The following PRUNE2 variants were observed in gnomAD, a reference collection of about 807,000 sequenced individuals.
The protein encoded by PRUNE2 is protein prune homolog 2.
PRUNE2 carries 164 observed loss-of-function variants against 252.0 expected under a neutral mutation model. The ratio of observed to expected loss-of-function variants is 0.65; its 90% CI spans 0.57 to 0.74. The LOEUF (loss-of-function observed/expected upper bound fraction) is 0.74, where lower values mean the gene tolerates loss of function less well. Among genes scored for constraint, PRUNE2 ranks in the 30% least tolerant of loss-of-function variants. PRUNE2 has a pLI of 0.00. For synonymous variants in PRUNE2, 1,292 were observed against 1,350.2 expected (o/e 0.96, Z 0.94); for missense variants, 3,495 against 3,711.0 (o/e 0.94, Z 1.51).
At chr9:76,867,689 C>T (rs1489940310) in intron 1 of PRUNE2, among the ~76,000 whole-genome samples, 1 of 152,154 alleles carries the variant, frequency 6.6e-6, no homozygotes, top group East Asian at 1.9e-4. Flanking sequence ...CTGCCTCAGC[C>T]TTCTGAGTAG....
In PRUNE2 at chr9:76,769,644, C is replaced by T. The variant is rs145955562; in HGVS notation, c.756+53988G>A. 2.9e-3 allele frequency among the ~76,000 whole-genome samples: 445 copies of T among 152,260 alleles called. 3 individuals are homozygous for T. Among genetic ancestry groups the T allele is most frequent in the African/African-American group, 0.01 (433 of 41,558 alleles). On this transcript the variant is annotated intron_variant, in intron 6 of 18. Transcript: ENST00000376718. ...TTCTCCATGTTGGTCAGGCTGGACT[C>T]GAACTCCCGACATCAGGTGATCCGC...
chr9:76,788,644 T>C, intron 6 of PRUNE2: 1 of 611,692 alleles, frequency 1.6e-6, no homozygotes, highest in South Asian at 2.0e-5. Flanking sequence ...TGAAATTTGT[T>C]CATTATCATC....
chr9:76,694,209 G>C (rs2045143571), intron 9 of PRUNE2, among the ~76,000 whole-genome samples: 2 of 151,826 alleles, frequency 1.3e-5, no homozygotes, highest in African/African-American at 4.8e-5. Flanking sequence ...GCCTAGCTCT[G>C]TTGCCCAGGT....
At chr9:76,715,701 A>C (rs1272128858) in intron 6 of PRUNE2, among the ~76,000 whole-genome samples, 3 of 152,232 alleles carry the variant, frequency 2.0e-5, no homozygotes, top group African/African-American at 7.2e-5. Context: ...TAGATGTTTA[A>C]AAAATTAATT....
intron 6 of PRUNE2, among the ~76,000 whole-genome samples, chr9:76,746,838 C>T (rs544867583): frequency 6.6e-6 from 1 of 152,260 alleles, no homozygotes; most frequent in East Asian, 1.9e-4. Context: ...GCTCACACCC[C>T]TTCTCACATG....
chr9:76,731,306 C>CTA (rs1346297088), intron 6 of PRUNE2, among the ~76,000 whole-genome samples: 70 of 37,022 alleles, frequency 1.9e-3, no homozygotes, highest in African/African-American at 6.3e-3. Context: ...ATCTATCTAT[C>CTA]TATCTATATA....
chr9:76,641,975 A>G, intron 12 of PRUNE2: 2 of 1,496,084 alleles, frequency 1.3e-6, no homozygotes, highest in Non-Finnish European at 1.8e-6. Flanking sequence ...AGGTTACCTG[A>G]ATCTCCTATA....
intron 4 of PRUNE2, among the ~76,000 whole-genome samples, chr9:76,835,110 A>G (rs1010964749): frequency 2.0e-5 from 3 of 152,364 alleles, no homozygotes; most frequent in South Asian, 4.1e-4. Flanking sequence ...CCATTAGAAA[A>G]GAAAGCAAAC....
intron 2 of PRUNE2, among the ~76,000 whole-genome samples, chr9:76,851,179 T>A (rs2059934224): frequency 1.3e-5 from 2 of 151,970 alleles, no homozygotes; most frequent in Admixed American, 6.6e-5. Context: ...ATACATTGCA[T>A]CTAAATGAGA....
intron 16 of PRUNE2, 133 bp downstream of exon 16, chr9:76,629,059 A>AGGAG (rs1227967354): frequency 1.8e-6 from 1 of 565,746 alleles, no homozygotes; most frequent in Non-Finnish European, 3.1e-6. Context: ...GTCCAGGCTG[A>AGGAG]TTGCAAACTC....
At chr9:76,850,370 G>A in intron 3 of PRUNE2, 93 bp downstream of exon 3, 1 of 999,216 alleles carries the variant, frequency 1.0e-6, no homozygotes, top group Non-Finnish European at 1.5e-6. Context: ...TAATACATCT[G>A]CCTAAACCAC....
At chr9:76,794,957 T>C (rs1236017721) in intron 6 of PRUNE2, among the ~76,000 whole-genome samples, 1 of 152,218 alleles carries the variant, frequency 6.6e-6, no homozygotes, top group East Asian at 1.9e-4. Flanking sequence ...GTAGACCTAC[T>C]AGAAGGAAAA....
intron 3 of PRUNE2, among the ~76,000 whole-genome samples, chr9:76,847,329 G>GAAA (rs767360854): frequency 7.8e-6 from 1 of 128,764 alleles, no homozygotes; most frequent in East Asian, 2.2e-4. Flanking sequence ...CTGTCTCAGG[G>GAAA]AAAAAAAAAA....
At chr9:76,825,145 CT>C (rs1654388460) in intron 5 of PRUNE2, among the ~76,000 whole-genome samples, 1 of 152,170 alleles carries the variant, frequency 6.6e-6, no homozygotes, top group Non-Finnish European at 1.5e-5. Flanking sequence ...TTAAGGCCCC[CT>C]GGGTCTGAGT....
intron 9 of PRUNE2, among the ~76,000 whole-genome samples, chr9:76,679,339 A>G (rs1209145747): frequency 6.6e-6 from 1 of 152,230 alleles, no homozygotes; most frequent in Non-Finnish European, 1.5e-5. Flanking sequence ...ATTTTTTGAA[A>G]AAATAGGAAA....
At chr9:76,881,430 CAT>C (rs1303198552) in intron 1 of PRUNE2, among the ~76,000 whole-genome samples, 1 of 152,122 alleles carries the variant, frequency 6.6e-6, no homozygotes, top group African/African-American at 2.4e-5. Context: ...ATTTACATAA[CAT>C]AAAATTAACC....
At chr9:76,721,577 T>C (rs927661761) in intron 6 of PRUNE2, among the ~76,000 whole-genome samples, 1 of 152,224 alleles carries the variant, frequency 6.6e-6, no homozygotes, top group African/African-American at 2.4e-5. Context: ...TCACTTGTAG[T>C]AAAATGCTTG....
chr9:76,885,306 T>C lies in PRUNE2; in HGVS notation c.36+20622A>G, dbSNP rs1589766717. Reference sequence around the variant, plus strand: ...TCCTTTCAATTTAGGGTTTGTTTTATAAGATGACATAATGCCTTCTAGCTT... The same window carrying C: ...TCCTTTCAATTTAGGGTTTGTTTTACAAGATGACATAATGCCTTCTAGCTT... On this transcript the variant is annotated intron_variant, in intron 1 of 18. Transcript: ENST00000376718. 1.3e-5 allele frequency among the ~76,000 whole-genome samples: 2 copies of C among 152,344 alleles called. 1 individual carries two copies. Among genetic ancestry groups the C allele is most frequent in the South Asian group, 4.1e-4 (2 of 4,830 alleles).
chr9:76,802,704 A>G (rs2056644158), intron 6 of PRUNE2, among the ~76,000 whole-genome samples: 1 of 152,222 alleles, frequency 6.6e-6, no homozygotes, highest in African/African-American at 2.4e-5. Context: ...CGAACTTACA[A>G]ATTAATCTCA....
Sources: gnomAD v4.1 joint callset for allele counts (sites outside exome capture counted in the v4.1 genomes callset) on GRCh38, gnomAD v4.1.1 for gene constraint, MANE v1.5 for transcripts, NCBI Gene and HGNC (gene_info 2026-07-23, HGNC 2026-07-21) for gene names.